CEP112: variants seen among roughly 807,000 people sequenced by gnomAD.
The protein encoded by CEP112 is centrosomal protein 112, also known as centrosomal protein of 112 kDa.
Under a neutral mutation model 153.0 loss-of-function variants are expected in CEP112, and 127 were observed. The observed-to-expected ratio is 0.83, with a 90% CI of 0.72 to 0.96. The LOEUF (loss-of-function observed/expected upper bound fraction) is 0.96, where lower values mean the gene tolerates loss of function less well. CEP112 is among the 40% of genes least tolerant of loss of function. CEP112 has a pLI of 0.00. For synonymous variants in CEP112, 358 were observed against 374.4 expected (o/e 0.96, Z 0.51); for missense variants, 1,089 against 1,101.2 (o/e 0.99, Z 0.16).
At chr17:66,063,347 T>C (rs1016404687) in intron 10 of CEP112, among the ~76,000 whole-genome samples, 1 of 152,182 alleles carries the variant, frequency 6.6e-6, no homozygotes, top group Admixed American at 6.5e-5. Context: ...GAGTCCTCTG[T>C]TGCTTTGAGG....
chr17:66,133,343 ATG>A (rs1436850996), intron 4 of CEP112, among the ~76,000 whole-genome samples: 1 of 152,208 alleles, frequency 6.6e-6, no homozygotes, highest in Non-Finnish European at 1.5e-5. Context: ...GGTTGGATTC[ATG>A]TTCCACATCA....
intron 21 of CEP112, among the ~76,000 whole-genome samples, chr17:65,754,347 C>T (rs902216178): frequency 1.3e-5 from 2 of 152,180 alleles, no homozygotes; most frequent in African/African-American, 4.8e-5. Flanking sequence ...CAGTGGCTCA[C>T]ACCTGTAATC....
At chr17:65,892,476 G>C (rs760455894) in intron 20 of CEP112, among the ~76,000 whole-genome samples, 9 of 151,548 alleles carry the variant, frequency 5.9e-5, no homozygotes, top group Non-Finnish European at 5.9e-5. Context: ...TTCCTGAATT[G>C]AATAATGTTT....
At chr17:66,129,682 A>G in intron 6 of CEP112, 64 bp downstream of exon 6, 1 of 1,129,974 alleles carries the variant, frequency 8.8e-7, no homozygotes, top group Non-Finnish European at 1.3e-6. Flanking sequence ...TAGTTCAGAT[A>G]TTATACACAT....
intron 21 of CEP112, among the ~76,000 whole-genome samples, chr17:65,766,673 T>C (rs2052996598): frequency 6.8e-6 from 1 of 146,962 alleles, no homozygotes; most frequent in Admixed American, 6.8e-5. Context: ...AGGCTGAAAG[T>C]GAAGGGATGG....
chr17:65,816,705 TTTG>T (rs2056288274), intron 21 of CEP112, among the ~76,000 whole-genome samples: 1 of 152,062 alleles, frequency 6.6e-6, no homozygotes, highest in Non-Finnish European at 1.5e-5. Context: ...TGGCTAATAT[TTTG>T]TTAAGTGATT....
chr17:65,874,037 A>G (rs1045348864), intron 20 of CEP112, among the ~76,000 whole-genome samples: 1 of 152,218 alleles, frequency 6.6e-6, no homozygotes, highest in African/African-American at 2.4e-5. Flanking sequence ...TCTACATTTC[A>G]GAAAACCATT....
chr17:66,130,673 C>G (rs8082423), intron 5 of CEP112, among the ~76,000 whole-genome samples: 105,536 of 151,236 alleles, frequency 0.7, 38,385 homozygotes, highest in Non-Finnish European at 0.79. Flanking sequence ...CTACTCGGGA[C>G]GCTGAGGCAG....
chr17:66,040,996 G>A (rs9898818), intron 12 of CEP112, among the ~76,000 whole-genome samples: 78,422 of 151,706 alleles, frequency 0.52, 21,141 homozygotes, highest in African/African-American at 0.59. Context: ...TTCCTAAAAT[G>A]GGTTTATTAA....
At position 65,660,251 on chromosome 17, in the gene CEP112, TTTC is replaced by T. The variant is rs752541036; in HGVS notation, c.2698-19189_2698-19187del. On this transcript the variant is annotated intron_variant, in intron 24 of 26. Transcript: ENST00000535342. ...TCCTTCCTTCCTCTTTTTTGTTTTCTTTCTTTTTTCTTTTCTTTTTCTCCTTCC... is the reference window on the plus strand; with the variant it reads ...TCCTTCCTTCCTCTTTTTTGTTTTCTTTTTTTCTTTTCTTTTTCTCCTTCC... Among the ~76,000 whole-genome samples the T allele has an allele frequency of 1.6e-3, 178 of 109,794 alleles. 1 individual carries two copies. The highest frequency in any genetic ancestry group is 0.014 in the East Asian group (57 of 4,052). 72.0% of individuals were successfully genotyped at this position (109,794 alleles called of 152,430 possible).
chr17:65,813,953 T>C (rs1490048137), intron 21 of CEP112, among the ~76,000 whole-genome samples: 3 of 152,196 alleles, frequency 2.0e-5, no homozygotes, highest in Non-Finnish European at 4.4e-5. Flanking sequence ...TCCTGATCAA[T>C]CTGTTGGGAG....
At chr17:65,691,943 G>A (rs143603440) in intron 23 of CEP112, among the ~76,000 whole-genome samples, 1 of 152,312 alleles carries the variant, frequency 6.6e-6, no homozygotes, top group Non-Finnish European at 1.5e-5. Flanking sequence ...CCCGCTGAGA[G>A]ACAGCTCTCA....
At chr17:66,170,244 C>T (rs1351257041) in intron 4 of CEP112, among the ~76,000 whole-genome samples, 1 of 152,090 alleles carries the variant, frequency 6.6e-6, no homozygotes, top group Non-Finnish European at 1.5e-5. Context: ...GAAGGAGGAT[C>T]ATGAAGACCA....
chr17:66,149,220 T>C (rs1400855820), intron 4 of CEP112, among the ~76,000 whole-genome samples: 2 of 152,238 alleles, frequency 1.3e-5, no homozygotes, highest in Non-Finnish European at 2.9e-5. Context: ...TTTAATGTGC[T>C]GTTGAATTCA....
chr17:66,170,634 G>A (rs772113496), intron 4 of CEP112, among the ~76,000 whole-genome samples: 2 of 151,982 alleles, frequency 1.3e-5, no homozygotes, highest in African/African-American at 2.4e-5. Flanking sequence ...ATGGTGGTAC[G>A]CACCTGTAAT....
intron 24 of CEP112, among the ~76,000 whole-genome samples, chr17:65,643,190 G>C (rs1215465452): frequency 6.6e-6 from 1 of 152,216 alleles, no homozygotes; most frequent in Non-Finnish European, 1.5e-5. Context: ...GCTCATAGGT[G>C]AGCTTGATCT....
chr17:65,965,805 G>A (rs932179549), intron 17 of CEP112, among the ~76,000 whole-genome samples: 2 of 152,090 alleles, frequency 1.3e-5, no homozygotes, highest in East Asian at 1.9e-4. Context: ...GGCATAAGCC[G>A]CTGCACCTGG....
At chr17:66,150,060 AT>A (rs772359218) in intron 4 of CEP112, among the ~76,000 whole-genome samples, 5,197 of 123,010 alleles carry the variant, frequency 0.042, 120 homozygotes, top group Middle Eastern at 0.083. Context: ...TGCCCAGCTA[AT>A]TTTTTTTTTT....
chr17:65,754,034 T>G (rs1225427021), intron 21 of CEP112, among the ~76,000 whole-genome samples: 1 of 152,222 alleles, frequency 6.6e-6, no homozygotes, highest in Non-Finnish European at 1.5e-5. Context: ...TCTCTCCATT[T>G]TTATGAAACA....
Sources: gnomAD v4.1 joint callset for allele counts (sites outside exome capture counted in the v4.1 genomes callset) on GRCh38, gnomAD v4.1.1 for gene constraint, MANE v1.5 for transcripts, NCBI Gene and HGNC (gene_info 2026-07-23, HGNC 2026-07-21) for gene names.